Variants in HOXB3 observed in about 807,000 individuals in gnomAD.
HOXB3 encodes the protein homeobox protein Hox-B3.
In HOXB3, 17 loss-of-function variants were observed where a neutral mutation model predicts 29.2. The ratio of observed to expected loss-of-function variants is 0.58; its 90% CI spans 0.40 to 0.87. HOXB3 has a LOEUF of 0.87. Among genes scored for constraint, HOXB3 ranks in the 40% least tolerant of loss-of-function variants. The pLI, the probability that HOXB3 is intolerant of heterozygous loss-of-function variation, is 0.00. For missense variants in HOXB3, 637 were observed against 616.3 expected, an observed-to-expected ratio of 1.03 and a Z score of -0.35; for synonymous variants, 317 against 285.9, an observed-to-expected ratio of 1.11 and a Z score of -1.10.
At chr17:48,573,312 T>C (rs1482321215) in intron 2 of HOXB3, among the ~76,000 whole-genome samples, 2 of 152,196 alleles carry the variant, frequency 1.3e-5, no homozygotes, top group Non-Finnish European at 2.9e-5. Flanking sequence ...CATATCCACT[T>C]ATACCCGCTC....
chr17:48,576,516 G>T (rs2069768190), intron 1 of HOXB3: 2 of 406,572 alleles, frequency 4.9e-6, no homozygotes, highest in Non-Finnish European at 4.3e-6. Flanking sequence ...TTCTGGGGGG[G>T]CCTCCCCGTG....
At chr17:48,567,099 G>A (rs1338312098) in intron 2 of HOXB3, among the ~76,000 whole-genome samples, 1 of 152,132 alleles carries the variant, frequency 6.6e-6, no homozygotes, top group Non-Finnish European at 1.5e-5. Flanking sequence ...CCCAGCCTTG[G>A]GTCCTGGCCT....
At chr17:48,588,664 G>A (rs1328246286) in intron 1 of HOXB3, among the ~76,000 whole-genome samples, 4 of 152,198 alleles carry the variant, frequency 2.6e-5, no homozygotes, top group Non-Finnish European at 4.4e-5. Flanking sequence ...GATCCTTTGG[G>A]AGATGACCTG....
At position 48,573,958 on chromosome 17, in the gene HOXB3, G is replaced by T. The variant is rs1478740662; in HGVS notation, c.-368C>A. 1 of 690,326 alleles carries T rather than the reference G, an allele frequency of 1.4e-6. No homozygotes were observed. Among genetic ancestry groups the T allele is most frequent in the Non-Finnish European group, 2.6e-6 (1 of 380,266 alleles). 42.8% of individuals were successfully genotyped at this position (690,326 alleles called of 1,614,324 possible). A position where few individuals can be genotyped will look rare whatever the true frequency, so the allele number is the denominator to read the frequency against. On this transcript the variant is annotated 5_prime_UTR_variant, in exon 2 of 5. In the 5' UTR this introduces an upstream ATG that the reference lacks. Coordinates refer to ENST00000498678, the MANE Select transcript of HOXB3 (RefSeq NM_001384749.1). Reference sequence around the variant, plus strand: ...GGTTCCAAATTTTTTCCCCCTTGCAGATCCGGGAGAGACGGCTAACACTTT... The same window carrying T: ...GGTTCCAAATTTTTTCCCCCTTGCATATCCGGGAGAGACGGCTAACACTTT...
chr17:48,551,142 C>G lies in HOXB3; in HGVS notation c.488G>C (p.Gly163Ala), dbSNP rs777763579. The G allele has an allele frequency of 7.7e-7, 1 of 1,301,530 alleles. No homozygotes were observed. 80.6% of individuals were successfully genotyped at this position (1,301,530 alleles called of 1,614,324 possible). Reference protein sequence around the residue: ...CGGGGGGGGGGGSGGSGGGGG... With the variant: ...CGGGGGGGGGAGSGGSGGGGG... Reference sequence around the variant, plus strand: ...ACCGCCCCCGCTGCCACCACTGCCTCCGCCGCCGCCGCCACCGCCGCCGCC... The same window carrying G: ...ACCGCCCCCGCTGCCACCACTGCCTGCGCCGCCGCCGCCACCGCCGCCGCC... Residue 163 changes from glycine (G) to alanine (A), a missense_variant, in exon 5 of 5, where the codon GGA becomes GCA. Physicochemically the swap from Gly to Ala is moderately conservative, Grantham distance 60 (BLOSUM62 0). Transcript: ENST00000498678.
chr17:48,558,092 C>T (rs1197718921), intron 2 of HOXB3, among the ~76,000 whole-genome samples: 1 of 152,122 alleles, frequency 6.6e-6, no homozygotes, highest in African/African-American at 2.4e-5. Context: ...GCTGTCCTAG[C>T]TGTTACTATC....
At position 48,552,376 on chromosome 17, in the gene HOXB3, G is replaced by C. The variant is rs777966755; in HGVS notation, c.99C>G (p.Pro33=). 8.7e-6 allele frequency: 14 copies of C among 1,613,448 alleles called. No individual in the cohort carries two copies. Among genetic ancestry groups the C allele is most frequent in the Admixed American group, 5.0e-5 (3 of 59,980 alleles). ...GSNGFGFDVP[P]QPPFQAATHL... is the part of the protein sequence containing the mutation. ...GCGTGGCGGCCTGAAATGGGGGTTGGGGGGGGACATCGAAGCCGAAGCCAT... is the reference window on the plus strand; with the variant it reads ...GCGTGGCGGCCTGAAATGGGGGTTGCGGGGGGACATCGAAGCCGAAGCCAT... The change falls in exon 4 of 5, where the codon CCC becomes CCG. Residue 33 remains proline, a synonymous_variant. Coordinates refer to ENST00000498678, the MANE Select transcript of HOXB3 (RefSeq NM_001384749.1).
chr17:48,556,764 T>C (rs1478418772), intron 2 of HOXB3: 1 of 152,210 alleles, frequency 6.6e-6, no homozygotes, highest in African/African-American at 2.4e-5. Flanking sequence ...GTTTCTGTTA[T>C]GATTCTCACC....
At chr17:48,569,210 G>A (rs1356689306) in intron 2 of HOXB3, among the ~76,000 whole-genome samples, 1 of 151,958 alleles carries the variant, frequency 6.6e-6, no homozygotes, top group Admixed American at 6.6e-5. Context: ...AATGAATCAC[G>A]TGACCGGGAG....
Position 48,550,942 on chromosome 17 carries a change from G to T in HOXB3, c.688C>A (p.Arg230=). ...EMANLLNLSE[R]QIKIWFQNRR... The stretch of plus-strand genomic sequence containing the variant: ...TTCTGGAACCAGATCTTGATCTGCC[G>T]CTCGCTGAGGTTCAGCAGGTTGGCC... The change falls in exon 5 of 5, where the codon CGG becomes AGG. Residue 230 remains arginine, a synonymous_variant. Coordinates refer to ENST00000498678, the MANE Select transcript of HOXB3 (RefSeq NM_001384749.1). The T allele has an allele frequency of 6.2e-7, 1 of 1,613,922 alleles. No individual in the cohort carries two copies. Among genetic ancestry groups the T allele is most frequent in the Non-Finnish European group, 8.5e-7 (1 of 1,179,892 alleles).
At chr17:48,578,129 C>T in intron 1 of HOXB3, 2 of 1,527,408 alleles carry the variant, frequency 1.3e-6, no homozygotes, top group South Asian at 1.2e-5. Flanking sequence ...GGCCGCGTAG[C>T]GCTGCACGGT....
At chr17:48,576,467 C>T in intron 1 of HOXB3, 2 of 386,794 alleles carry the variant, frequency 5.2e-6, no homozygotes, top group Non-Finnish European at 4.6e-6. Flanking sequence ...TTTTCTTTTT[C>T]TTTTTTTTAA....
intron 2 of HOXB3, among the ~76,000 whole-genome samples, chr17:48,568,780 AAAG>A (rs1232792542): frequency 1.3e-5 from 2 of 152,052 alleles, no homozygotes; most frequent in Admixed American, 6.6e-5. Flanking sequence ...GAGAGAGAGA[AAAG>A]AAGAATATTC....
At chr17:48,561,112 A>G (rs981212091) in intron 2 of HOXB3, among the ~76,000 whole-genome samples, 2 of 151,322 alleles carry the variant, frequency 1.3e-5, no homozygotes, top group Admixed American at 6.6e-5. Context: ...CCCAGGAGGC[A>G]GAGGTTGTGG....
intron 4 of HOXB3, among the ~76,000 whole-genome samples, chr17:48,551,450 CAG>C (rs1381419395): frequency 6.6e-6 from 1 of 152,218 alleles, no homozygotes; most frequent in East Asian, 1.9e-4. Context: ...GTCACGCAGA[CAG>C]AGCCGCATGG....
rs557322172 is a variant in HOXB3 at position 48,564,525 on chromosome 17, G to T, written c.-246-8907C>A. Among the ~76,000 whole-genome samples, 52 of 152,336 alleles carry T rather than the reference G, an allele frequency of 3.4e-4. No homozygotes were observed. In the South Asian group the frequency reaches 0.011, roughly 32 times the overall value. On this transcript the variant is annotated intron_variant, in intron 2 of 4. Coordinates refer to ENST00000498678, the MANE Select transcript of HOXB3 (RefSeq NM_001384749.1). The stretch of plus-strand genomic sequence containing the variant: ...GCGGCAGACGCCAGTTTCCTGAGAA[G>T]CTCCCACTCCGTCCGGGCCGCGCAG...
chr17:48,569,053 C>T (rs947148708), intron 2 of HOXB3, among the ~76,000 whole-genome samples: 13 of 89,972 alleles, frequency 1.4e-4, no homozygotes, highest in African/African-American at 4.7e-4. Context: ...CTCTCTCCCT[C>T]TCTCTCTCCC....
intron 1 of HOXB3, chr17:48,576,780 G>A (rs1292167015): frequency 1.9e-6 from 3 of 1,613,882 alleles, no homozygotes; most frequent in African/African-American, 1.3e-5. Flanking sequence ...TGAGCCTGCC[G>A]CACCACCCGA....
chr17:48,553,148 G>C (rs1242009872), intron 3 of HOXB3: 1 of 152,298 alleles, frequency 6.6e-6, no homozygotes, highest in Non-Finnish European at 1.5e-5. Context: ...AGCAAGTTCA[G>C]CAGAGAAGCT....
Sources: gnomAD v4.1 joint callset for allele counts (sites outside exome capture counted in the v4.1 genomes callset) on GRCh38, gnomAD v4.1.1 for gene constraint, MANE v1.5 for transcripts, NCBI Gene and HGNC (gene_info 2026-07-23, HGNC 2026-07-21) for gene names.